The following IMPDH1 variants were observed in gnomAD, a reference collection of about 807,000 sequenced individuals.
IMPDH1 encodes the protein inosine-5'-monophosphate dehydrogenase 1.
In IMPDH1, 41 loss-of-function variants were observed where a neutral mutation model predicts 73.5. That is an observed-to-expected ratio of 0.56 (90% CI 0.43 to 0.72). The LOEUF (loss-of-function observed/expected upper bound fraction) is 0.72, where lower values mean the gene tolerates loss of function less well. Among genes scored for constraint, IMPDH1 ranks in the 30% least tolerant of loss-of-function variants. IMPDH1 has a pLI of 0.00. For missense variants in IMPDH1, 645 were observed against 824.8 expected, an observed-to-expected ratio of 0.78 and a Z score of 2.67; for synonymous variants, 318 against 334.3, an observed-to-expected ratio of 0.95 and a Z score of 0.53.
At position 128,398,668 on chromosome 7, in the gene IMPDH1, A is replaced by G; in HGVS notation, c.875-55T>C. Reference sequence around the variant, plus strand: ...CAGGCTTGGTGGGGAGAAGTTTGGGAGATGTTTAGGAGGGTGAAGATGAAA... The same window carrying G: ...CAGGCTTGGTGGGGAGAAGTTTGGGGGATGTTTAGGAGGGTGAAGATGAAA... On this transcript the variant is annotated intron_variant, in intron 9 of 16. Coordinates refer to ENST00000338791, the MANE Select transcript of IMPDH1 (RefSeq NM_000883.4). This position sits in a 1 kb window ranked among gnomAD's most constrained non-coding sequence, Gnocchi z 4.3. The G allele has an allele frequency of 1.4e-6, 2 of 1,454,844 alleles. No individual in the cohort carries two copies. Among genetic ancestry groups the G allele is most frequent in the Non-Finnish European group, 9.6e-7 (1 of 1,039,844 alleles). 90.1% of individuals were successfully genotyped at this position (1,454,844 alleles called of 1,614,324 possible).
chr7:128,407,155 G>A (rs1254969155), intron 3 of IMPDH1, among the ~76,000 whole-genome samples: 2 of 152,212 alleles, frequency 1.3e-5, no homozygotes, highest in Non-Finnish European at 2.9e-5. Flanking sequence ...TTGGGGAGAA[G>A]AGAATAAGGT....
At position 128,393,159 on chromosome 7, in the gene IMPDH1, C is replaced by A. The variant is rs570871203; in HGVS notation, c.1779-131G>T. The A allele has an allele frequency of 4.6e-4, 469 of 1,022,164 alleles. 5 individuals carry two copies. The South Asian group carries it at 5.8e-3, about 13-fold the overall frequency. The allele number at this position is 1,022,164 out of a possible 1,614,324, so 63.3% of individuals were successfully genotyped here. A position where few individuals can be genotyped will look rare whatever the true frequency, so the allele number is the denominator to read the frequency against. ...GAGAAGCCCTGAGATCTCAGCCGTA[C>A]GGCGCAGGAGGAGGGCCTGGAGCAG... is the stretch of plus-strand genomic sequence containing the variant. On this transcript the variant is annotated intron_variant, in intron 16 of 16. Coordinates refer to ENST00000338791, the MANE Select transcript of IMPDH1 (RefSeq NM_000883.4).
At chr7:128,395,975 T>G (rs1332822010) in intron 12 of IMPDH1, among the ~76,000 whole-genome samples, 1 of 152,168 alleles carries the variant, frequency 6.6e-6, no homozygotes, top group African/African-American at 2.4e-5. Context: ...AAAGGCCAAA[T>G]GCATCACTCA....
Position 128,392,858 on chromosome 7 carries a change from C to A in IMPDH1, c.*149G>T. ...GGATGCCGAGTGAGGGGCAGCAGTC[C>A]CCTCAGGACCTCCCCTCCTCTCTGC... is the stretch of plus-strand genomic sequence containing the variant. On this transcript the variant is annotated 3_prime_UTR_variant, in exon 17 of 17. Coordinates refer to ENST00000338791, the MANE Select transcript of IMPDH1 (RefSeq NM_000883.4). The A allele has an allele frequency of 1.3e-6, 1 of 742,404 alleles. No individual in the cohort carries two copies. Among genetic ancestry groups the A allele is most frequent in the Admixed American group, 2.1e-5 (1 of 46,944 alleles). The allele number at this position is 742,404 out of a possible 1,614,324, so 46.0% of individuals were successfully genotyped here.
Position 128,409,260 on chromosome 7 carries a change from G to A in IMPDH1, c.254+29C>T. The stretch of plus-strand genomic sequence containing the variant: ...CACTGGCAGCCTCTCAGATCTCAGT[G>A]CATGGTGAGGAGGGGAGAGTGTCCT... On this transcript the variant is annotated intron_variant, in intron 3 of 16. Coordinates refer to ENST00000338791, the MANE Select transcript of IMPDH1 (RefSeq NM_000883.4). The A allele has an allele frequency of 3.1e-6, 5 of 1,595,538 alleles. No individual in the cohort carries two copies. In the East Asian group the frequency reaches 1.1e-4, roughly 36 times the overall value.
intron 3 of IMPDH1, among the ~76,000 whole-genome samples, chr7:128,406,653 T>G (rs1036154991): frequency 1.3e-5 from 2 of 152,116 alleles, no homozygotes; most frequent in African/African-American, 4.8e-5. Flanking sequence ...AAGTATTGGG[T>G]ACCCATTCCC....
Position 128,398,275 on chromosome 7 carries a change from C to T in IMPDH1, c.1074+139G>A. The T allele has an allele frequency of 1.5e-6, 1 of 687,832 alleles. No individual in the cohort carries two copies. Among genetic ancestry groups the T allele is most frequent in the Non-Finnish European group, 2.5e-6 (1 of 395,572 alleles). 42.6% of individuals were successfully genotyped at this position (687,832 alleles called of 1,614,324 possible). ...GCTGCCACCCTCCTAATTCTGACAC[C>T]AGGGAGCACTCAGAAAGAGAGAGGA... On this transcript the variant is annotated intron_variant, in intron 10 of 16. Transcript: ENST00000338791. The surrounding 1 kb of genome is among the most constrained non-coding windows in gnomAD (Gnocchi z 4.3).
chr7:128,400,477 A>T lies in IMPDH1; in HGVS notation c.642T>A (p.Asp214Glu). The change falls in exon 8 of 17, where the codon GAT becomes GAA. Residue 214 changes from aspartate (D) to glutamate (E), a missense_variant. Asp to Glu is a conservative substitution (Grantham distance 45). Coordinates refer to ENST00000338791, the MANE Select transcript of IMPDH1 (RefSeq NM_000883.4). ...CATGCCGCATCTTGGCCTCCAGCAC[A>T]TCGCCCACAGTGTGCGAGGGGCTCA... ...VVLSPSHTVGDVLEAKMRHGF... is the reference protein window; with the variant it reads ...VVLSPSHTVGEVLEAKMRHGF... The T allele has an allele frequency of 6.2e-7, 1 of 1,612,668 alleles. No individual in the cohort carries two copies. Among genetic ancestry groups the T allele is most frequent in the South Asian group, 1.1e-5 (1 of 91,020 alleles).
chr7:128,409,591 A>T lies in IMPDH1; in HGVS notation c.147-107T>A, dbSNP rs897892113. 3 of 1,529,498 alleles carry T rather than the reference A, an allele frequency of 2.0e-6. No homozygotes were observed. The African/African-American group carries it at 4.1e-5, about 21-fold the overall frequency. 94.7% of individuals were successfully genotyped at this position (1,529,498 alleles called of 1,614,324 possible). A position where few individuals can be genotyped will look rare whatever the true frequency, so the allele number is the denominator to read the frequency against. On this transcript the variant is annotated intron_variant, in intron 1 of 16. Transcript: ENST00000338791. ...GTGCCCGTCTGCATCCCCCAACCAA[A>T]GCCGGGAGCGTGGCGTTTCGGGAAG...
In IMPDH1 at chr7:128,394,878, G is replaced by A; in HGVS notation, c.1550+11C>T. ...GCTGATCTGCCCAGGTGGGGCCCAGGGTCAGGGAACCTGAAGTATCGTTTC... is the reference window on the plus strand; with the variant it reads ...GCTGATCTGCCCAGGTGGGGCCCAGAGTCAGGGAACCTGAAGTATCGTTTC... On this transcript the variant is annotated intron_variant, in intron 14 of 16. Transcript: ENST00000338791. This position sits in a 1 kb window ranked among gnomAD's most constrained non-coding sequence, Gnocchi z 5.5. 6.2e-7 allele frequency: 1 copy of A among 1,611,020 alleles called. No individual in the cohort carries two copies. The highest frequency in any genetic ancestry group is 8.5e-7 in the Non-Finnish European group (1 of 1,179,952).
rs371759273 is a variant in IMPDH1 at position 128,398,567 on chromosome 7, G to A, written c.921C>T (p.Ile307=). The change falls in exon 10 of 17, where the codon ATC becomes ATT. Residue 307 remains isoleucine, a synonymous_variant. Transcript: ENST00000338791. The surrounding 1 kb of genome is among the most constrained non-coding windows in gnomAD (Gnocchi z 4.3). The stretch of plus-strand genomic sequence containing the variant: ...GGTTCTTCTTCAGGTCGGTGCGGGC[G>A]ATGATGGCCACCAGCTCATCGCAAT... ...VNDCDELVAI[I]ARTDLKKNRD... 4.6e-5 allele frequency: 74 copies of A among 1,612,726 alleles called. 1 individual carries two copies. Among genetic ancestry groups the A allele is most frequent in the South Asian group, 2.9e-4 (26 of 91,062 alleles).
In IMPDH1 at chr7:128,400,457, C is replaced by T. The variant is rs1216059194; in HGVS notation, c.662G>A (p.Arg221Gln). ...GATGGGGATGCCAGAGAAGCCATGC[C>T]GCATCTTGGCCTCCAGCACATCGCC... is the stretch of plus-strand genomic sequence containing the variant. The part of the protein sequence containing the change: ...TVGDVLEAKM[R>Q]HGFSGIPITE... The change falls in exon 8 of 17, where the codon CGG becomes CAG. Residue 221 changes from arginine (R) to glutamine (Q), a missense_variant. Arg to Gln is a conservative substitution (Grantham distance 43, BLOSUM62 1). Coordinates refer to ENST00000338791, the MANE Select transcript of IMPDH1 (RefSeq NM_000883.4). The T allele has an allele frequency of 2.2e-5, 35 of 1,612,280 alleles. No homozygotes were observed. Among genetic ancestry groups the T allele is most frequent in the African/African-American group, 5.3e-5 (4 of 74,888 alleles).
Position 128,398,500 on chromosome 7 carries a change from G to A in IMPDH1, c.988C>T (p.Leu330Phe), listed in dbSNP as rs1401873114. The A allele has an allele frequency of 6.2e-7, 1 of 1,613,824 alleles. No homozygotes were observed. Among genetic ancestry groups the A allele is most frequent in the Non-Finnish European group, 8.5e-7 (1 of 1,179,842 alleles). ...LASKDSQKQL[L>F]CGAAVGTRED... ...CGGGTGCCCACAGCTGCCCCACAGA[G>A]CAGCTGCTTCTGGGAATCCTTGGAG... Residue 330 changes from leucine to phenylalanine, a missense_variant, in exon 10 of 17, where the codon CTC (leucine) becomes TTC (phenylalanine). By Grantham distance (22) the Leu-to-Phe change is conservative. Around this residue, in one of 2 missense-constraint regions of IMPDH1, gnomAD observed 459 missense variants for 638.2 expected, o/e 0.72. Transcript: ENST00000338791. This position sits in a 1 kb window ranked among gnomAD's most constrained non-coding sequence, Gnocchi z 4.3.
chr7:128,409,161 C>T lies in IMPDH1; in HGVS notation c.254+128G>A, dbSNP rs1798968847. 5.4e-5 allele frequency: 45 copies of T among 834,344 alleles called. 2 individuals are homozygous for T. In the South Asian group the frequency reaches 6.5e-4, roughly 12 times the overall value. 51.7% of individuals were successfully genotyped at this position (834,344 alleles called of 1,614,324 possible). A position where few individuals can be genotyped will look rare whatever the true frequency, so the allele number is the denominator to read the frequency against. On this transcript the variant is annotated intron_variant, in intron 3 of 16. Coordinates refer to ENST00000338791, the MANE Select transcript of IMPDH1 (RefSeq NM_000883.4). ...GGCCCAGCTCACTACCCTACTCTTC[C>T]TCCAGTGTCCCTCATTCCCCTACAG...
intron 3 of IMPDH1, among the ~76,000 whole-genome samples, chr7:128,408,387 A>C (rs1468339086): frequency 6.6e-6 from 1 of 152,186 alleles, no homozygotes; most frequent in African/African-American, 2.4e-5. Flanking sequence ...AGCCTGTCCA[A>C]GTTCAAGCCA....
chr7:128,396,878 G>C lies in IMPDH1; in HGVS notation c.1165+54C>G, dbSNP rs892765704. 7.5e-7 allele frequency: 1 copy of C among 1,338,226 alleles called. No homozygotes were observed. Among genetic ancestry groups the C allele is most frequent in the Non-Finnish European group, 1.1e-6 (1 of 928,948 alleles). 82.9% of individuals were successfully genotyped at this position (1,338,226 alleles called of 1,614,324 possible). ...CTAGGGATGCTGAAGGACAGAAAAG[G>C]GTTACTCATTGGAGGGGCAGGAGCA... On this transcript the variant is annotated intron_variant, in intron 11 of 16. Coordinates refer to ENST00000338791, the MANE Select transcript of IMPDH1 (RefSeq NM_000883.4). The surrounding 1 kb of genome is among the most constrained non-coding windows in gnomAD (Gnocchi z 4.0).
intron 3 of IMPDH1, among the ~76,000 whole-genome samples, chr7:128,406,311 C>CA (rs1798771736): frequency 9.2e-6 from 1 of 108,448 alleles, no homozygotes; most frequent in African/African-American, 3.4e-5. Flanking sequence ...ACACCCCCCA[C>CA]CCCCCCCACC....
chr7:128,393,104 G>A (rs1248275161), intron 16 of IMPDH1, 76 bp from the exon 17 acceptor site: 4 of 1,485,502 alleles, frequency 2.7e-6, no homozygotes, highest in African/African-American at 2.8e-5. Flanking sequence ...TTTCCCCAGG[G>A]CCCCCAGATG....
Position 128,398,906 on chromosome 7 carries a change from G to C in IMPDH1, c.875-293C>G, listed in dbSNP as rs990521249. On this transcript the variant is annotated intron_variant, in intron 9 of 16. Transcript: ENST00000338791. The surrounding 1 kb of genome is among the most constrained non-coding windows in gnomAD (Gnocchi z 4.3). The stretch of plus-strand genomic sequence containing the variant: ...GCACTGGCAGCCTTTCACCTGCTGG[G>C]CCACAGTGGCCGAAATCTCCTAGCC... Among the ~76,000 whole-genome samples, 3 of 152,174 alleles carry C rather than the reference G, an allele frequency of 2.0e-5. No homozygotes were observed. The highest frequency in any genetic ancestry group is 4.4e-5 in the Non-Finnish European group (3 of 68,040).
Sources: allele counts gnomAD v4.1 joint callset (sites outside exome capture counted in the v4.1 genomes callset), GRCh38; gene constraint gnomAD v4.1.1; regional missense constraint gnomAD v4.1.1; non-coding constraint Gnocchi (gnomAD v3.1); transcripts MANE v1.5; gene names NCBI Gene and HGNC (gene_info 2026-07-23, HGNC 2026-07-21).